Variants in ZNF385B observed in about 807,000 individuals in gnomAD.
ZNF385B encodes the protein zinc finger protein 385B, also known as zinc finger protein 533.
In ZNF385B, 23 loss-of-function variants were observed where a neutral mutation model predicts 39.2. The observed-to-expected ratio is 0.59, with a 90% CI of 0.42 to 0.83. ZNF385B has a LOEUF of 0.83. ZNF385B is among the 40% of genes least tolerant of loss of function. The pLI is 0.00. For synonymous variants in ZNF385B, 205 were observed against 222.6 expected, an observed-to-expected ratio of 0.92 and a Z score of 0.70; for missense variants, 552 against 598.9, an observed-to-expected ratio of 0.92 and a Z score of 0.82.
chr2:179,575,776 T>C (rs1213296832), intron 3 of ZNF385B, among the ~76,000 whole-genome samples: 3 of 148,958 alleles, frequency 2.0e-5, no homozygotes, highest in Non-Finnish European at 4.5e-5. Flanking sequence ...TGTTTTGGTA[T>C]TCTTAAAAGA....
intron 3 of ZNF385B, among the ~76,000 whole-genome samples, chr2:179,711,128 C>A (rs2106383784): frequency 6.6e-6 from 1 of 152,320 alleles, no homozygotes; most frequent in South Asian, 2.1e-4. Flanking sequence ...GACATCTTAA[C>A]TGCCGCCCAG....
chr2:179,481,963 T>C (rs576615883), intron 6 of ZNF385B, among the ~76,000 whole-genome samples: 1 of 152,330 alleles, frequency 6.6e-6, no homozygotes, highest in Non-Finnish European at 1.5e-5. Context: ...GAAGGTTTTG[T>C]TCTTTACAGA....
chr2:179,513,852 A>G (rs948937330), intron 5 of ZNF385B, among the ~76,000 whole-genome samples: 2 of 152,316 alleles, frequency 1.3e-5, no homozygotes, highest in African/African-American at 2.4e-5. Context: ...GCAACATAAT[A>G]TAATAGGAAG....
chr2:179,547,187 C>T (rs1219315185), intron 3 of ZNF385B, among the ~76,000 whole-genome samples: 1 of 149,348 alleles, frequency 6.7e-6, no homozygotes, highest in Non-Finnish European at 1.5e-5. Flanking sequence ...ACTTTGTTGA[C>T]TGTTTTCATT....
At chr2:179,484,558 C>A (rs2054360679) in intron 5 of ZNF385B, among the ~76,000 whole-genome samples, 1 of 148,728 alleles carries the variant, frequency 6.7e-6, no homozygotes, top group African/African-American at 2.5e-5. Flanking sequence ...TCCACTCATT[C>A]TCCTCAACAA....
At chr2:179,493,605 A>ATATG (rs2055575610) in intron 5 of ZNF385B, among the ~76,000 whole-genome samples, 1 of 115,622 alleles carries the variant, frequency 8.6e-6, no homozygotes, top group Non-Finnish European at 1.8e-5. Context: ...GCGTATACAT[A>ATATG]TATGTACGTA....
chr2:179,456,234 A>G (rs538764139), intron 6 of ZNF385B, among the ~76,000 whole-genome samples: 2 of 152,324 alleles, frequency 1.3e-5, no homozygotes, highest in South Asian at 4.1e-4. Context: ...TGCTGGGACA[A>G]AGATCGTGTA....
chr2:179,558,933 C>T lies in ZNF385B; in HGVS notation c.299-13964G>A, dbSNP rs1204288174. Among the ~76,000 whole-genome samples the T allele has an allele frequency of 3.9e-5, 6 of 152,152 alleles. No homozygotes were observed. In the East Asian group the frequency reaches 1.2e-3, roughly 29 times the overall value. On this transcript the variant is annotated intron_variant, in intron 3 of 9. Transcript: ENST00000410066. ...GGTGCCTGATCTGGCCATGCCAAGG[C>T]CAGAGTGAGCAGAGACTGTGAGTAT...
chr2:179,745,776 TG>T, intron 3 of ZNF385B: 1 of 1,531,302 alleles, frequency 6.5e-7, no homozygotes, highest in Admixed American at 2.1e-5. Flanking sequence ...GCAACCAAGT[TG>T]GATAAACAAA....
chr2:179,498,369 C>T (rs558452792), intron 5 of ZNF385B, among the ~76,000 whole-genome samples: 2 of 151,956 alleles, frequency 1.3e-5, no homozygotes, highest in African/African-American at 4.8e-5. Flanking sequence ...AACATTTAAT[C>T]TAATGGCTGT....
intron 4 of ZNF385B, among the ~76,000 whole-genome samples, chr2:179,538,152 T>C (rs1407749394): frequency 2.0e-5 from 3 of 152,146 alleles, no homozygotes; most frequent in Non-Finnish European, 4.4e-5. Context: ...CAGTTGGACA[T>C]ACTAGTATCC....
At chr2:179,531,072 A>G (rs1248510695) in intron 4 of ZNF385B, among the ~76,000 whole-genome samples, 2 of 152,208 alleles carry the variant, frequency 1.3e-5, no homozygotes, top group African/African-American at 4.8e-5. Flanking sequence ...CAGACAGATC[A>G]GGCCCCAGAT....
chr2:179,669,768 A>C (rs2106299364), intron 3 of ZNF385B, among the ~76,000 whole-genome samples: 1 of 152,352 alleles, frequency 6.6e-6, no homozygotes, highest in African/African-American at 2.4e-5. Context: ...AATTATGTTA[A>C]TGAGAAACTG....
chr2:179,797,922 A>G (rs1278798627), intron 1 of ZNF385B, among the ~76,000 whole-genome samples: 2 of 152,136 alleles, frequency 1.3e-5, no homozygotes, highest in Non-Finnish European at 2.9e-5. Flanking sequence ...ATGAGCTAAT[A>G]TACTCTTACA....
chr2:179,461,502 T>C (rs529471780), intron 6 of ZNF385B, among the ~76,000 whole-genome samples: 37 of 152,298 alleles, frequency 2.4e-4, no homozygotes, highest in African/African-American at 8.4e-4. Context: ...ATTACCATGG[T>C]TTTAGCATGA....
intron 3 of ZNF385B, among the ~76,000 whole-genome samples, chr2:179,558,350 T>C (rs2061092726): frequency 6.6e-6 from 1 of 152,170 alleles, no homozygotes; most frequent in Admixed American, 6.5e-5. Context: ...CTGCTTTCAA[T>C]GTCTAGGCTG....
intron 3 of ZNF385B, among the ~76,000 whole-genome samples, chr2:179,550,365 C>T (rs1041737941): frequency 2.7e-5 from 4 of 149,254 alleles, no homozygotes; most frequent in African/African-American, 1.0e-4. Context: ...AAATAGAATG[C>T]AACAGGGAAC....
At chr2:179,694,704 C>T (rs750970457) in intron 3 of ZNF385B, among the ~76,000 whole-genome samples, 13 of 152,036 alleles carry the variant, frequency 8.6e-5, no homozygotes, top group Non-Finnish European at 1.6e-4. Context: ...TCAAGGTAGG[C>T]AGATCATTTG....
chr2:179,559,574 A>C (rs886433817), intron 3 of ZNF385B, among the ~76,000 whole-genome samples: 1 of 152,116 alleles, frequency 6.6e-6, no homozygotes, highest in South Asian at 2.1e-4. Flanking sequence ...ACTTTCTTAC[A>C]TGAAATTTCT....
Sources: allele counts gnomAD v4.1 joint callset (sites outside exome capture counted in the v4.1 genomes callset), GRCh38; gene constraint gnomAD v4.1.1; transcripts MANE v1.5; gene names NCBI Gene and HGNC (gene_info 2026-07-23, HGNC 2026-07-21).